HYCC1: variants seen among roughly 807,000 people sequenced by gnomAD.
HYCC1 encodes hyccin PI4KA lipid kinase complex subunit 1.
At chr7:22,912,521 T>A in the HYCC1 span, among the ~76,000 whole-genome samples, 1 of 152,190 alleles carries the variant, frequency 6.6e-6, no homozygotes, top group Non-Finnish European at 1.5e-5. Context: ...CTACCCCAAG[T>A]GCAGCCGGCC....
At chr7:23,006,176 A>C in the HYCC1 span, among the ~76,000 whole-genome samples, 9 of 152,212 alleles carry the variant, frequency 5.9e-5, no homozygotes, top group African/African-American at 2.2e-4. Flanking sequence ...ACCCTAACTG[A>C]ATTAATTAAA....
the HYCC1 span, among the ~76,000 whole-genome samples, chr7:22,903,349 AAG>A: frequency 6.6e-6 from 1 of 152,156 alleles, no homozygotes; most frequent in Non-Finnish European, 1.5e-5. Flanking sequence ...ATGAAAAAAA[AAG>A]AGACTCCAAA....
the HYCC1 span, among the ~76,000 whole-genome samples, chr7:22,990,434 T>G: frequency 6.6e-6 from 1 of 152,180 alleles, no homozygotes; most frequent in African/African-American, 2.4e-5. Flanking sequence ...AAACTGATAG[T>G]TGCAGCCCAA....
the HYCC1 span, chr7:22,939,932 A>T: frequency 6.6e-6 from 1 of 152,214 alleles, no homozygotes; most frequent in South Asian, 2.1e-4. Context: ...AATAATAACT[A>T]CAACTGGTTG....
At chr7:22,950,451 T>C in the HYCC1 span, among the ~76,000 whole-genome samples, 3 of 152,014 alleles carry the variant, frequency 2.0e-5, no homozygotes, top group Non-Finnish European at 2.9e-5. Context: ...ACATCTTTTT[T>C]TGATGAATTG....
the HYCC1 span, among the ~76,000 whole-genome samples, chr7:22,991,596 G>A: frequency 4.6e-5 from 7 of 152,052 alleles, no homozygotes; most frequent in South Asian, 1.2e-3. Context: ...AAGCCATGTG[G>A]TTTCTTGAAA....
At chr7:22,968,795 G>A in the HYCC1 span, among the ~76,000 whole-genome samples, 1 of 152,198 alleles carries the variant, frequency 6.6e-6, no homozygotes, top group East Asian at 1.9e-4. Context: ...AGACCAGCCT[G>A]GCCAACATGG....
the HYCC1 span, among the ~76,000 whole-genome samples, chr7:23,002,163 T>TC: frequency 1.5e-5 from 1 of 65,366 alleles, no homozygotes; most frequent in Non-Finnish European, 3.0e-5. Flanking sequence ...TATATATATA[T>TC]ATATATATAT....
At chr7:22,913,927 C>T in the HYCC1 span, among the ~76,000 whole-genome samples, 2 of 152,208 alleles carry the variant, frequency 1.3e-5, no homozygotes, top group African/African-American at 4.8e-5. Flanking sequence ...GACCTCAGGT[C>T]CTCAGAACAA....
At chr7:23,000,525 T>C in the HYCC1 span, among the ~76,000 whole-genome samples, 1 of 152,200 alleles carries the variant, frequency 6.6e-6, no homozygotes, top group Non-Finnish European at 1.5e-5. Flanking sequence ...AATCACATTC[T>C]ACCAAAACTT....
chr7:22,947,016 T>C, the HYCC1 span: 1 of 1,549,814 alleles, frequency 6.5e-7, no homozygotes, highest in East Asian at 2.4e-5. Flanking sequence ...TATTCCATCC[T>C]CCATCATTTT....
the HYCC1 span, chr7:22,940,258 T>G: frequency 1.0e-4 from 14 of 137,996 alleles, 2 homozygotes; most frequent in South Asian, 2.4e-4. Flanking sequence ...TTTTTTTTTT[T>G]TTTTTTTTTT....
At chr7:22,899,837 CT>C in the HYCC1 span, among the ~76,000 whole-genome samples, 1,734 of 151,796 alleles carry the variant, frequency 0.011, 45 homozygotes, top group African/African-American at 0.04. Context: ...CCAAATTAAT[CT>C]TTTTTTTCTC....
At chr7:23,006,680 C>T in the HYCC1 span, among the ~76,000 whole-genome samples, 67 of 152,302 alleles carry the variant, frequency 4.4e-4, no homozygotes, top group Non-Finnish European at 7.2e-4. Context: ...CTTCATGGTA[C>T]AGTTTAATAA....
the HYCC1 span, among the ~76,000 whole-genome samples, chr7:22,971,122 T>A: frequency 2.6e-5 from 4 of 151,670 alleles, no homozygotes; most frequent in African/African-American, 9.7e-5. Flanking sequence ...ATTCTTAGAA[T>A]AAAAATAAAC....
chr7:22,969,498 G>C, the HYCC1 span, among the ~76,000 whole-genome samples: 1 of 147,272 alleles, frequency 6.8e-6, no homozygotes, highest in Non-Finnish European at 1.5e-5. Context: ...CTCTTCCTAG[G>C]TACAAAAATT....
At chr7:22,919,490 C>T in the HYCC1 span, among the ~76,000 whole-genome samples, 7 of 152,030 alleles carry the variant, frequency 4.6e-5, no homozygotes, top group Non-Finnish European at 8.8e-5. Context: ...GATCACACCA[C>T]TGCACTCCAG....
chr7:22,961,235 C>T, the HYCC1 span: 1 of 1,594,060 alleles, frequency 6.3e-7, no homozygotes, highest in Non-Finnish European at 8.6e-7. Flanking sequence ...AGGCACCTAC[C>T]AGCAATGGCT....
chr7:22,946,922 A>T, the HYCC1 span: 1 of 1,524,756 alleles, frequency 6.6e-7, no homozygotes, highest in Admixed American at 2.0e-5. Flanking sequence ...GCTGCTTAAC[A>T]TGCATCAGTG....
Sources: allele counts gnomAD v4.1 joint callset (sites outside exome capture counted in the v4.1 genomes callset), GRCh38; gene constraint gnomAD v4.1.1; transcripts MANE v1.5; gene names NCBI Gene and HGNC (gene_info 2026-07-23, HGNC 2026-07-21).